Variants in TMEM181 observed in about 807,000 individuals in gnomAD.
TMEM181 encodes transmembrane protein 181, also known as G protein-coupled receptor 178.
Under a neutral mutation model 71.9 loss-of-function variants are expected in TMEM181, and 39 were observed. That is an observed-to-expected ratio of 0.54 (90% CI 0.42 to 0.71). TMEM181 has a LOEUF of 0.71. TMEM181 is among the 30% of genes least tolerant of loss of function. TMEM181 has a pLI of 0.00. For synonymous variants in TMEM181, 245 were observed against 228.8 expected (o/e 1.07, Z -0.64); for missense variants, 595 against 583.0 (o/e 1.02, Z -0.21).
chr6:158,622,840 C>T (rs1447118853), intron 10 of TMEM181, among the ~76,000 whole-genome samples: 1 of 152,190 alleles, frequency 6.6e-6, no homozygotes, highest in Non-Finnish European at 1.5e-5. Flanking sequence ...AGGAGTGAAT[C>T]TTGGGTGGCT....
rs927369700 is a variant in TMEM181 at position 158,632,972 on chromosome 6, G to A, written c.*1084G>A. The A allele has an allele frequency of 1.3e-5, 2 of 152,334 alleles. No homozygotes were observed. Among genetic ancestry groups the A allele is most frequent in the African/African-American group, 4.8e-5 (2 of 41,444 alleles). 9.4% of individuals were successfully genotyped at this position (152,334 alleles called of 1,614,324 possible). On this transcript the variant is annotated 3_prime_UTR_variant, in exon 17 of 17. Transcript: ENST00000684151. ...TAGTCCCAGCTACTCAGGAGGCTGA[G>A]GTGGGAGGATTGCTTGAGCCCTGGA...
intron 6 of TMEM181, among the ~76,000 whole-genome samples, chr6:158,603,064 T>G (rs933553999): frequency 6.6e-6 from 1 of 152,216 alleles, no homozygotes; most frequent in African/African-American, 2.4e-5. Context: ...TCGTTTCTTG[T>G]GCTTGGCCAT....
At chr6:158,549,539 T>C (rs145508705) in intron 1 of TMEM181, among the ~76,000 whole-genome samples, 247 of 152,306 alleles carry the variant, frequency 1.6e-3, no homozygotes, top group African/African-American at 5.5e-3. Context: ...TTCAAGACTA[T>C]GGTGGTGTCA....
At chr6:158,629,391 C>T (rs557867011) in intron 14 of TMEM181, among the ~76,000 whole-genome samples, 4 of 152,176 alleles carry the variant, frequency 2.6e-5, no homozygotes, top group Non-Finnish European at 5.9e-5. Context: ...TCACCGTATG[C>T]CCGTGGCCTT....
chr6:158,578,440 A>T (rs1398492000), intron 2 of TMEM181, among the ~76,000 whole-genome samples: 2 of 152,192 alleles, frequency 1.3e-5, no homozygotes, highest in African/African-American at 4.8e-5. Context: ...TATTATTATA[A>T]CTTTGGTTTG....
At chr6:158,621,797 C>T (rs1194133839) in intron 10 of TMEM181, among the ~76,000 whole-genome samples, 4 of 152,234 alleles carry the variant, frequency 2.6e-5, no homozygotes, top group East Asian at 1.9e-4. Flanking sequence ...CTTCTGTCTG[C>T]GCAGGCCACT....
At chr6:158,546,482 C>A (rs62437760) in intron 1 of TMEM181, among the ~76,000 whole-genome samples, 233 of 152,228 alleles carry the variant, frequency 1.5e-3, no homozygotes, top group Admixed American at 3.1e-3. Flanking sequence ...TAGAACTGAA[C>A]CCCAGGAAGG....
At chr6:158,560,329 C>T in intron 1 of TMEM181, 97 bp downstream of exon 1, 1 of 984,790 alleles carries the variant, frequency 1.0e-6, no homozygotes, top group Non-Finnish European at 1.2e-6. Flanking sequence ...CGCAGGGTCC[C>T]TGGCGCCCAC....
At chr6:158,629,951 AG>A in intron 15 of TMEM181, 132 bp downstream of exon 15, 1 of 769,576 alleles carries the variant, frequency 1.3e-6, no homozygotes, top group Non-Finnish European at 2.2e-6. Context: ...TGGCAGAGAG[AG>A]AGTGAGTTGA....
At chr6:158,628,143 G>T (rs1167586000) in intron 13 of TMEM181, 3 of 633,064 alleles carry the variant, frequency 4.7e-6, no homozygotes, top group African/African-American at 1.8e-5. Flanking sequence ...GTGTGATGGG[G>T]CCTGCAGCAG....
At chr6:158,606,316 T>TA (rs1784958523) in intron 7 of TMEM181, among the ~76,000 whole-genome samples, 1 of 151,474 alleles carries the variant, frequency 6.6e-6, no homozygotes, top group African/African-American at 2.4e-5. Context: ...TTGTGGTGCT[T>TA]ACGCCCAGCC....
intron 6 of TMEM181, among the ~76,000 whole-genome samples, chr6:158,595,726 G>A (rs1447765128): frequency 6.6e-6 from 1 of 152,070 alleles, no homozygotes; most frequent in Non-Finnish European, 1.5e-5. Context: ...ACAAAGACAG[G>A]CAAAATGAAC....
chr6:158,540,059 C>T (rs948207259), intron 1 of TMEM181, among the ~76,000 whole-genome samples: 2 of 152,186 alleles, frequency 1.3e-5, no homozygotes, highest in African/African-American at 4.8e-5. Flanking sequence ...TAATCAAGTT[C>T]TTTCTTTTTA....
chr6:158,584,587 A>G (rs1783661831), intron 4 of TMEM181, among the ~76,000 whole-genome samples: 1 of 152,230 alleles, frequency 6.6e-6, no homozygotes. Context: ...GTCAGTCTAC[A>G]GTGGCACTAG....
chr6:158,537,711 A>G lies in TMEM181; in HGVS notation c.131+846A>G, dbSNP rs368319818. On this transcript the variant is annotated intron_variant, in intron 1 of 16. Transcript: ENST00000367090. ...CTGTTAAATGGGAAGTCTGAACCAG[A>G]AGGTCTCAGAAAGCTGAGGTTTAAT... is the stretch of plus-strand genomic sequence containing the variant. Among the ~76,000 whole-genome samples, 56 of 152,282 alleles carry G rather than the reference A, an allele frequency of 3.7e-4. 1 individual carries two copies. In the East Asian group the frequency reaches 9.1e-3, roughly 25 times the overall value.
chr6:158,594,192 A>G (rs755050706), intron 6 of TMEM181, among the ~76,000 whole-genome samples: 2 of 143,052 alleles, frequency 1.4e-5, no homozygotes, highest in Non-Finnish European at 3.0e-5. Context: ...TCCGCCTCCC[A>G]GGTTCAAGTG....
At chr6:158,589,864 G>A (rs954394208) in intron 6 of TMEM181, 82 bp downstream of exon 6, 1 of 1,010,280 alleles carries the variant, frequency 9.9e-7, no homozygotes, top group Admixed American at 2.1e-5. Context: ...ATACATCTCA[G>A]CATCTAAATA....
chr6:158,544,219 T>TGTGTGTG (rs1781451705), intron 1 of TMEM181, among the ~76,000 whole-genome samples: 2 of 64,558 alleles, frequency 3.1e-5, no homozygotes, highest in African/African-American at 7.3e-5. Context: ...GTGTGTGTGT[T>TGTGTGTG]GGGGTGAGGG....
At chr6:158,604,242 C>T (rs1166814965) in intron 6 of TMEM181, among the ~76,000 whole-genome samples, 1 of 152,194 alleles carries the variant, frequency 6.6e-6, no homozygotes, top group Non-Finnish European at 1.5e-5. Context: ...CCACCAGGGG[C>T]ACCCCTTGTT....
Sources: allele counts gnomAD v4.1 joint callset (sites outside exome capture counted in the v4.1 genomes callset), GRCh38; gene constraint gnomAD v4.1.1; transcripts MANE v1.5; gene names NCBI Gene and HGNC (gene_info 2026-07-23, HGNC 2026-07-21).